Variants in MYOCD observed in about 807,000 individuals in gnomAD.
The protein encoded by MYOCD is myocardin.
MYOCD carries 32 observed loss-of-function variants against 96.1 expected under a neutral mutation model. That is an observed-to-expected ratio of 0.33 (90% CI 0.25 to 0.45). The LOEUF (loss-of-function observed/expected upper bound fraction) is 0.45. MYOCD is among the 20% of genes least tolerant of loss of function. The pLI, the probability that MYOCD is intolerant of heterozygous loss-of-function variation, is 1.00. For synonymous variants in MYOCD, 469 were observed against 469.0 expected (o/e 1.00, Z 0.00); for missense variants, 1,133 against 1,200.6 (o/e 0.94, Z 0.83).
At chr17:12,729,167 C>G (rs1172360022) in intron 5 of MYOCD, among the ~76,000 whole-genome samples, 1 of 152,176 alleles carries the variant, frequency 6.6e-6, no homozygotes. Flanking sequence ...ATAACTTTCT[C>G]ATGAACAAAA....
chr17:12,743,693 G>C (rs142550870), intron 7 of MYOCD, among the ~76,000 whole-genome samples: 12 of 151,796 alleles, frequency 7.9e-5, no homozygotes, highest in Non-Finnish European at 7.4e-5. Flanking sequence ...GGGTTTCACC[G>C]TGTTGGTCAG....
At chr17:12,710,736 G>T (rs531611325) in intron 2 of MYOCD, among the ~76,000 whole-genome samples, 8 of 152,268 alleles carry the variant, frequency 5.3e-5, no homozygotes, top group African/African-American at 1.9e-4. Flanking sequence ...TGTCTGAGCA[G>T]TACACGGCGC....
chr17:12,738,616 A>G (rs2032415048), intron 6 of MYOCD, among the ~76,000 whole-genome samples: 1 of 152,076 alleles, frequency 6.6e-6, no homozygotes, highest in South Asian at 2.1e-4. Flanking sequence ...GTACACACAT[A>G]CATGCACATA....
intron 2 of MYOCD, among the ~76,000 whole-genome samples, chr17:12,714,685 A>G (rs1399524869): frequency 6.6e-6 from 1 of 152,186 alleles, no homozygotes; most frequent in African/African-American, 2.4e-5. Flanking sequence ...TTAAATCCCC[A>G]TAAGAGGTGC....
At chr17:12,676,245 G>GCGCA (rs1405858806) in intron 1 of MYOCD, among the ~76,000 whole-genome samples, 26 of 145,676 alleles carry the variant, frequency 1.8e-4, no homozygotes, top group East Asian at 1.2e-3. Context: ...GCGCGCGCAC[G>GCGCA]CACACACACA....
In MYOCD at chr17:12,768,686, G is replaced by A. The variant is rs983618796; in HGVS notation, c.*5042G>A. The A allele has an allele frequency of 2.6e-5, 4 of 152,004 alleles. No homozygotes were observed. Among genetic ancestry groups the A allele is most frequent in the South Asian group, 2.1e-4 (1 of 4,802 alleles). The allele number at this position is 152,004 out of a possible 1,614,324, so 9.4% of individuals were successfully genotyped here. ...AAGAACGGAGGACAATGTATTGCTGGGTGCTTAAAATCCTCCCTCAGTGAA... is the reference window on the plus strand; with the variant it reads ...AAGAACGGAGGACAATGTATTGCTGAGTGCTTAAAATCCTCCCTCAGTGAA... On this transcript the variant is annotated 3_prime_UTR_variant, in exon 14 of 14. Transcript: ENST00000425538.
In MYOCD at chr17:12,676,790, G is replaced by A. The variant is rs1209167873; in HGVS notation, c.55+10547G>A. Among the ~76,000 whole-genome samples, 4 of 152,264 alleles carry A rather than the reference G, an allele frequency of 2.6e-5. No individual in the cohort carries two copies. The South Asian group carries it at 8.3e-4, about 32-fold the overall frequency. Reference sequence around the variant, plus strand: ...AAATCTCAATGTATATGTGGTATAGGTATGCCATCTGGCTGACTTGGCTTC... The same window carrying A: ...AAATCTCAATGTATATGTGGTATAGATATGCCATCTGGCTGACTTGGCTTC... On this transcript the variant is annotated intron_variant, in intron 1 of 13. Transcript: ENST00000425538.
intron 1 of MYOCD, 103 bp from the exon 2 acceptor site, chr17:12,705,025 C>T (rs1221702180): frequency 4.1e-6 from 3 of 722,898 alleles, no homozygotes; most frequent in Non-Finnish European, 7.0e-6. Context: ...ATTTACAGAA[C>T]TCTTTTAGAA....
intron 10 of MYOCD, 84 bp downstream of exon 10, chr17:12,753,430 A>C (rs759407771): frequency 8.3e-5 from 104 of 1,248,904 alleles, no homozygotes; most frequent in Non-Finnish European, 1.1e-4. Flanking sequence ...AGCTAATGTC[A>C]GAATTTTCAA....
chr17:12,701,014 C>T lies in MYOCD; in HGVS notation c.56-4114C>T, dbSNP rs190973453. 4.6e-5 allele frequency among the ~76,000 whole-genome samples: 7 copies of T among 152,120 alleles called. No individual in the cohort carries two copies. In the East Asian group the frequency reaches 5.8e-4, roughly 13 times the overall value. On this transcript the variant is annotated intron_variant, in intron 1 of 13. Coordinates refer to ENST00000425538, the MANE Select transcript of MYOCD (RefSeq NM_001146312.3). The stretch of plus-strand genomic sequence containing the variant: ...CAATTTTGGTAAGCTTTAGTTTTCA[C>T]GAAATGTGTCCACTTTAAGTTGTTT...
intron 1 of MYOCD, among the ~76,000 whole-genome samples, chr17:12,674,513 CAAG>C (rs549759107): frequency 3.0e-4 from 45 of 152,058 alleles, no homozygotes; most frequent in Admixed American, 7.9e-4. Context: ...TGAAAGGCAA[CAAG>C]AAGAAGAGAT....
chr17:12,717,427 G>T lies in MYOCD; in HGVS notation c.253+6G>T, dbSNP rs376571806. ...TAATATGCACATACTCCAAGGTAAG[G>T]CTGCAAGAAATCAGACACCAAGAGA... On this transcript the variant is annotated splice_donor_region_variant and intron_variant, in intron 4 of 13. Transcript: ENST00000425538. 1.9e-5 allele frequency: 30 copies of T among 1,612,202 alleles called. No individual in the cohort carries two copies. Among genetic ancestry groups the T allele is most frequent in the Middle Eastern group, 1.6e-4 (1 of 6,076 alleles).
rs28730822 is a variant in MYOCD, at chr17:12,752,544, C to T, written c.1256C>T (p.Thr419Met). Residue 419 changes from threonine (T) to methionine (M), a missense_variant, in exon 10 of 14, where the codon ACG (threonine) becomes ATG (methionine). Coordinates refer to ENST00000425538, the MANE Select transcript of MYOCD (RefSeq NM_001146312.3). ...GNPVPNFGDI[T>M]TVTFPVTPNT... The stretch of plus-strand genomic sequence containing the variant: ...CCAGTGCCGAACTTTGGGGATATAA[C>T]GACTGTCACTTTTCCTGTCACACCC... 1.8e-5 allele frequency: 29 copies of T among 1,614,036 alleles called. No homozygotes were observed. The African/African-American group carries it at 2.1e-4, about 12-fold the overall frequency.
Position 12,690,086 on chromosome 17 carries a change from T to TA in MYOCD, c.56-15035dup, listed in dbSNP as rs575679431. Among the ~76,000 whole-genome samples the TA allele has an allele frequency of 2.4e-4, 36 of 151,980 alleles. No individual in the cohort carries two copies. In the South Asian group the frequency reaches 7.3e-3, roughly 31 times the overall value. On this transcript the variant is annotated intron_variant, in intron 1 of 13. Coordinates refer to ENST00000425538, the MANE Select transcript of MYOCD (RefSeq NM_001146312.3). ...ATCATCACAAGATTGAAAGGCAAAC[T>TA]AAAAAAACCAATGGAAATTCACAAC...
intron 1 of MYOCD, among the ~76,000 whole-genome samples, chr17:12,677,889 CTTTTTTG>C (rs1341242208): frequency 7.0e-6 from 1 of 143,770 alleles, no homozygotes; most frequent in Non-Finnish European, 1.5e-5. Flanking sequence ...ATTTCTCTTT[CTTTTTTG>C]TTTTTTTTTT....
chr17:12,760,531 G>T, intron 12 of MYOCD, 119 bp from the exon 13 acceptor site: 1 of 791,522 alleles, frequency 1.3e-6, no homozygotes, highest in Non-Finnish European at 2.2e-6. Context: ...TGCCACAATT[G>T]GAAAAAAAAA....
At chr17:12,757,118 G>A (rs182637011) in intron 11 of MYOCD, among the ~76,000 whole-genome samples, 12 of 152,284 alleles carry the variant, frequency 7.9e-5, no homozygotes, top group South Asian at 2.1e-4. Flanking sequence ...CCATGGACAG[G>A]ATTGGAGAGA....
rs1480564503 is a variant in MYOCD, at chr17:12,746,134, A to G, written c.1125+62A>G. ...ACAAATACAACAGTATGTTGTTAAC[A>G]TCACCAGGACCAACTGATATCTGGA... On this transcript the variant is annotated intron_variant, in intron 9 of 13. Coordinates refer to ENST00000425538, the MANE Select transcript of MYOCD (RefSeq NM_001146312.3). The G allele has an allele frequency of 7.2e-6, 11 of 1,532,054 alleles. No individual in the cohort carries two copies. The East Asian group carries it at 1.8e-4, about 25-fold the overall frequency. The allele number at this position is 1,532,054 out of a possible 1,614,324, so 94.9% of individuals were successfully genotyped here. A position where few individuals can be genotyped will look rare whatever the true frequency, so the allele number is the denominator to read the frequency against.
At chr17:12,729,816 C>T (rs946867664) in intron 5 of MYOCD, among the ~76,000 whole-genome samples, 1 of 151,958 alleles carries the variant, frequency 6.6e-6, no homozygotes, top group African/African-American at 2.4e-5. Context: ...GTGATCTGCC[C>T]GCCTTGCCTA....
Sources: allele counts gnomAD v4.1 joint callset (sites outside exome capture counted in the v4.1 genomes callset), GRCh38; gene constraint gnomAD v4.1.1; transcripts MANE v1.5; gene names NCBI Gene and HGNC (gene_info 2026-07-23, HGNC 2026-07-21).